ZNF106: variants seen among roughly 807,000 people sequenced by gnomAD.
ZNF106 encodes zinc finger protein 106.
ZNF106 carries 67 observed loss-of-function variants against 195.1 expected under a neutral mutation model. The ratio of observed to expected loss-of-function variants is 0.34; its 90% confidence interval spans 0.28 to 0.42. The LOEUF (loss-of-function observed/expected upper bound fraction) is 0.42, where lower values mean the gene tolerates loss of function less well. ZNF106 is among the 10% of genes least tolerant of loss of function. The probability of loss-of-function intolerance (pLI) is 1.00; values close to 1 mark genes in which losing one functional copy is unlikely to be tolerated. For synonymous variants in ZNF106, 784 were observed against 818.6 expected (o/e 0.96, Z 0.72); for missense variants, 2,118 against 2,304.5 (o/e 0.92, Z 1.66).
chr15:42,442,252 G>A lies in ZNF106; in HGVS notation c.3584C>T (p.Thr1195Ile). The change falls in exon 10 of 22, where the codon ACC becomes ATC. Residue 1195 changes from threonine (T) to isoleucine (I), a missense_variant. Coordinates refer to ENST00000564754, the MANE Select transcript of ZNF106 (RefSeq NM_001366845.3). ...CGTGGTTATTTGAAGAGAGGCTCCG[G>A]TGGGTGATGGAGACACATGGGAAGA... is the stretch of plus-strand genomic sequence containing the variant. ...PPSSHVSPSP[T>I]GASLQITTSP... 1.2e-6 allele frequency: 2 copies of A among 1,614,182 alleles called. No individual in the cohort carries two copies. Among genetic ancestry groups the A allele is most frequent in the East Asian group, 4.5e-5 (2 of 44,882 alleles).
intron 1 of ZNF106, among the ~76,000 whole-genome samples, chr15:42,480,210 T>A (rs2056870772): frequency 6.6e-6 from 1 of 152,250 alleles, no homozygotes; most frequent in African/African-American, 2.4e-5. Context: ...TATCCATTTT[T>A]GCTTCATGTA....
Position 42,451,961 on chromosome 15 carries a change from GA to G in ZNF106, c.318-8del, listed in dbSNP as rs777593891. On this transcript the variant is annotated splice_region_variant and splice_polypyrimidine_tract_variant and intron_variant, in intron 4 of 21. Transcript: ENST00000564754. The stretch of plus-strand genomic sequence containing the variant: ...ATTGGAAGGTTCATCTTGTCTGGAA[GA>G]AAAACAGTTTTTCATTAGCGATTTA... 5.6e-6 allele frequency: 9 copies of G among 1,594,462 alleles called. No homozygotes were observed. The highest frequency in any genetic ancestry group is 7.7e-6 in the Non-Finnish European group (9 of 1,171,072).
intron 10 of ZNF106, among the ~76,000 whole-genome samples, chr15:42,440,996 AAAATATATATATATATATAT>A (rs1245276061): frequency 1.4e-4 from 7 of 49,420 alleles, no homozygotes; most frequent in Admixed American, 3.2e-4. Context: ...AAAAAAAAAA[AAAATATATATATATATATAT>A]ATATATATAT....
chr15:42,450,707 T>C lies in ZNF106; in HGVS notation c.1565A>G (p.His522Arg), dbSNP rs73402758. 24 of 1,614,188 alleles carry C rather than the reference T, an allele frequency of 1.5e-5. No homozygotes were observed. The highest frequency in any genetic ancestry group is 2.7e-5 in the African/African-American group (2 of 75,042). ...ACGCAGTTTGGATATGTAAGGACCA[T>C]GGTTATCTTCCACAGTGGGCTTGTT... ...PSNKPTVEDNHGPYISKLRSS... is the reference protein window; with the variant it reads ...PSNKPTVEDNRGPYISKLRSS... Residue 522 changes from histidine (H) to arginine (R), a missense_variant, in exon 5 of 22, where the codon CAT becomes CGT. Transcript: ENST00000564754.
At chr15:42,419,823 G>A (rs1198602010) in intron 20 of ZNF106, among the ~76,000 whole-genome samples, 10 of 152,078 alleles carry the variant, frequency 6.6e-5, no homozygotes, top group Admixed American at 3.3e-4. Context: ...GGTGGCGGGC[G>A]CCTGTGTTCC....
At chr15:42,481,362 T>G (rs1212096717) in intron 1 of ZNF106, among the ~76,000 whole-genome samples, 1,882 of 141,246 alleles carry the variant, frequency 0.013, 41 homozygotes, top group African/African-American at 0.047. Context: ...TTGTTGTTTT[T>G]TTTTTTTTTT....
intron 14 of ZNF106, among the ~76,000 whole-genome samples, chr15:42,428,792 C>T (rs2054946422): frequency 6.6e-6 from 1 of 152,084 alleles, no homozygotes; most frequent in Non-Finnish European, 1.5e-5. Flanking sequence ...GAGACGGAGT[C>T]CTGCTCTGTC....
intron 1 of ZNF106, among the ~76,000 whole-genome samples, chr15:42,478,256 T>C (rs540055417): frequency 6.6e-6 from 1 of 152,214 alleles, no homozygotes; most frequent in Non-Finnish European, 1.5e-5. Context: ...CTCTGCCTCC[T>C]GGGTTCAAGG....
At chr15:42,465,053 T>C (rs2056483550) in intron 3 of ZNF106, among the ~76,000 whole-genome samples, 1 of 152,208 alleles carries the variant, frequency 6.6e-6, no homozygotes, top group South Asian at 2.1e-4. Context: ...GTCTTGGGTA[T>C]GTCTTTATTA....
chr15:42,452,364 A>G (rs1172479867), intron 4 of ZNF106, among the ~76,000 whole-genome samples: 2 of 151,964 alleles, frequency 1.3e-5, no homozygotes, highest in Non-Finnish European at 2.9e-5. Flanking sequence ...CTCTACTAAA[A>G]ATACAAAAAT....
intron 3 of ZNF106, among the ~76,000 whole-genome samples, chr15:42,461,000 G>A (rs59539641): frequency 0.029 from 4,120 of 144,150 alleles, 202 homozygotes; most frequent in African/African-American, 0.11. Context: ...ACTTCAAAAA[G>A]AGAAACTTCA....
chr15:42,428,771 G>A (rs1044529490), intron 14 of ZNF106, among the ~76,000 whole-genome samples: 2 of 152,014 alleles, frequency 1.3e-5, no homozygotes, highest in South Asian at 2.1e-4. Flanking sequence ...TTCAAAAAAC[G>A]ATTTCTTTTT....
chr15:42,457,306 C>T (rs928516373), intron 3 of ZNF106, 148 bp from the exon 4 acceptor site: 4 of 1,509,512 alleles, frequency 2.6e-6, no homozygotes, highest in Admixed American at 2.4e-5. Context: ...CCTTTCATCA[C>T]TTTTAATAAG....
At chr15:42,487,873 T>G (rs921926892) in intron 1 of ZNF106, among the ~76,000 whole-genome samples, 1 of 152,222 alleles carries the variant, frequency 6.6e-6, no homozygotes, top group South Asian at 2.1e-4. Context: ...GGATATTCTA[T>G]GCATATATGG....
intron 1 of ZNF106, among the ~76,000 whole-genome samples, chr15:42,478,516 T>TC (rs896280471): frequency 4.6e-5 from 6 of 131,438 alleles, no homozygotes; most frequent in Non-Finnish European, 6.2e-5. Context: ...CTTTTTCTTT[T>TC]TTTTTTTTTT....
Position 42,442,153 on chromosome 15 carries a change from G to C in ZNF106, c.3683C>G (p.Ser1228Cys). 5.6e-6 allele frequency: 9 copies of C among 1,614,182 alleles called. No individual in the cohort carries two copies. Among genetic ancestry groups the C allele is most frequent in the Non-Finnish European group, 7.6e-6 (9 of 1,180,030 alleles). Reference protein sequence around the residue: ...SSVQIKQEPMSPEQDENVNAV... With the variant: ...SSVQIKQEPMCPEQDENVNAV... Reference sequence around the variant, plus strand: ...ATTCACATTCTCATCTTGTTCAGGAGACATGGGCTCTTGTTTAATCTGAAC... The same window carrying C: ...ATTCACATTCTCATCTTGTTCAGGACACATGGGCTCTTGTTTAATCTGAAC... The change falls in exon 10 of 22, where the codon TCT becomes TGT. Residue 1228 changes from serine to cysteine, a missense_variant. By Grantham distance (112) the Ser-to-Cys change is moderately radical. Coordinates refer to ENST00000564754, the MANE Select transcript of ZNF106 (RefSeq NM_001366845.3).
intron 2 of ZNF106, among the ~76,000 whole-genome samples, chr15:42,467,809 C>CA (rs1194085351): frequency 2.0e-5 from 3 of 152,010 alleles, no homozygotes; most frequent in Admixed American, 2.0e-4. Context: ...GACTCTGTCT[C>CA]AAAAAACAAA....
chr15:42,487,212 G>C (rs1019044620), intron 1 of ZNF106, among the ~76,000 whole-genome samples: 6 of 151,276 alleles, frequency 4.0e-5, no homozygotes, highest in African/African-American at 1.5e-4. Context: ...TGGATGCAGT[G>C]GCAGCACACT....
rs1480441490 is a variant in ZNF106 at position 42,448,669 on chromosome 15, T to C, written c.2538A>G (p.Glu846=). Residue 846 remains glutamate (E), a synonymous_variant, in exon 6 of 22, where the codon GAA becomes GAG. Coordinates refer to ENST00000564754, the MANE Select transcript of ZNF106 (RefSeq NM_001366845.3). ...CCCCATCCAAATCTAAGGCTTCTTG[T>C]TCATTTTGAACAAGGGGTACCATTT... The part of the protein sequence containing the change: ...GIEMVPLVQN[E]QEALDLDGEP... 1.2e-5 allele frequency: 20 copies of C among 1,610,360 alleles called. No homozygotes were observed. The highest frequency in any genetic ancestry group is 1.6e-5 in the Non-Finnish European group (19 of 1,179,706).
Sources: gnomAD v4.1 joint callset for allele counts (sites outside exome capture counted in the v4.1 genomes callset) on GRCh38, gnomAD v4.1.1 for gene constraint, MANE v1.5 for transcripts, NCBI Gene and HGNC (gene_info 2026-07-23, HGNC 2026-07-21) for gene names.